ARHGAP31: variants seen among roughly 807,000 people sequenced by gnomAD.
The protein encoded by ARHGAP31 is rho GTPase-activating protein 31.
A neutral mutation model predicts 113.9 loss-of-function variants in ARHGAP31; 34 were observed. The observed-to-expected ratio is 0.30, with a 90% CI of 0.23 to 0.40. The LOEUF is 0.40. ARHGAP31 is among the 10% of genes least tolerant of loss of function. ARHGAP31 has a pLI of 1.00. For missense variants in ARHGAP31, 1,548 were observed against 1,767.1 expected (o/e 0.88, Z 2.22); for synonymous variants, 650 against 684.8 (o/e 0.95, Z 0.79).
chr3:119,414,184 T>A lies in ARHGAP31; in HGVS notation c.2255T>A (p.Leu752Gln). The part of the protein sequence containing the change: ...EQGLHPDLAS[L>Q]APLEIVPFEK... Reference sequence around the variant, plus strand: ...GGCCTGCACCCAGACCTCGCCAGCCTGGCTCCTCTGGAAATAGTTCCTTTT... The same window carrying A: ...GGCCTGCACCCAGACCTCGCCAGCCAGGCTCCTCTGGAAATAGTTCCTTTT... The change falls in exon 12 of 12, where the codon CTG (leucine) becomes CAG (glutamine). Residue 752 changes from leucine (L) to glutamine (Q), a missense_variant. Transcript: ENST00000264245. 6.2e-7 allele frequency: 1 copy of A among 1,614,116 alleles called. No homozygotes were observed. Among genetic ancestry groups the A allele is most frequent in the Non-Finnish European group, 8.5e-7 (1 of 1,180,004 alleles).
chr3:119,409,890 C>A, intron 11 of ARHGAP31, 114 bp downstream of exon 11: 1 of 1,120,318 alleles, frequency 8.9e-7, no homozygotes, highest in Non-Finnish European at 1.3e-6. Context: ...TCAGTTTCTG[C>A]CAAAGGGACT....
intron 7 of ARHGAP31, among the ~76,000 whole-genome samples, chr3:119,392,491 G>A (rs1024856941): frequency 1.3e-5 from 2 of 152,204 alleles, no homozygotes; most frequent in African/African-American, 4.8e-5. Context: ...CTTGAGATCT[G>A]GATGTTCCAC....
chr3:119,329,661 C>T (rs2079873793), intron 1 of ARHGAP31, among the ~76,000 whole-genome samples: 1 of 152,242 alleles, frequency 6.6e-6, no homozygotes, highest in Non-Finnish European at 1.5e-5. Flanking sequence ...GGCCTTCCCA[C>T]CCCCAGCCAG....
Position 119,414,123 on chromosome 3 carries a change from A to G in ARHGAP31, c.2194A>G (p.Thr732Ala), listed in dbSNP as rs1313648676. ...CAATCAGAGCACACAGGGGGCTTCC[A>G]CAGCAGCCAGCAGAGAGAAGCCGGA... Reference protein sequence around the residue: ...PANQSTQGASTAASREKPEPE... With the variant: ...PANQSTQGASAAASREKPEPE... The change falls in exon 12 of 12, where the codon ACA becomes GCA. Residue 732 changes from threonine (T) to alanine (A), a missense_variant. Coordinates refer to ENST00000264245, the MANE Select transcript of ARHGAP31 (RefSeq NM_020754.4). 6.2e-7 allele frequency: 1 copy of G among 1,614,046 alleles called. No individual in the cohort carries two copies. The highest frequency in any genetic ancestry group is 1.3e-5 in the African/African-American group (1 of 74,904).
At chr3:119,407,083 C>A (rs2080669180) in intron 10 of ARHGAP31, among the ~76,000 whole-genome samples, 1 of 152,152 alleles carries the variant, frequency 6.6e-6, no homozygotes, top group South Asian at 2.1e-4. Flanking sequence ...CGATGGCTCA[C>A]ATCTGTAATC....
chr3:119,298,123 A>C (rs1043519098), intron 1 of ARHGAP31, among the ~76,000 whole-genome samples: 1 of 151,886 alleles, frequency 6.6e-6, no homozygotes, highest in Admixed American at 6.6e-5. Flanking sequence ...AGGTAAGAAC[A>C]CTCAAGAATG....
intron 2 of ARHGAP31, 105 bp downstream of exon 2, chr3:119,365,523 G>T: frequency 3.0e-6 from 3 of 991,568 alleles, no homozygotes; most frequent in South Asian, 2.7e-5. Context: ...GGAACTGAGG[G>T]AAGTGTGGCA....
At chr3:119,298,784 C>A in intron 1 of ARHGAP31, 2 of 171,572 alleles carry the variant, frequency 1.2e-5, no homozygotes, top group South Asian at 2.8e-4. Context: ...AGAAGTTCCT[C>A]ATCCAAAACA....
chr3:119,337,174 T>C (rs192597619), intron 1 of ARHGAP31, among the ~76,000 whole-genome samples: 2 of 152,090 alleles, frequency 1.3e-5, no homozygotes, highest in Non-Finnish European at 2.9e-5. Context: ...TGGCAGTGAG[T>C]GTTACAGTTC....
chr3:119,308,182 A>G (rs1412633249), intron 1 of ARHGAP31, among the ~76,000 whole-genome samples: 1 of 152,206 alleles, frequency 6.6e-6, no homozygotes, highest in Non-Finnish European at 1.5e-5. Context: ...TGTTTATTAC[A>G]GACAAGTAAA....
At chr3:119,325,479 G>A (rs937417179) in intron 1 of ARHGAP31, among the ~76,000 whole-genome samples, 1 of 152,164 alleles carries the variant, frequency 6.6e-6, no homozygotes, top group Admixed American at 6.5e-5. Context: ...CACACTGCTG[G>A]GTCGGGAGTC....
chr3:119,325,101 G>A, intron 1 of ARHGAP31: 1 of 368,342 alleles, frequency 2.7e-6, no homozygotes, highest in Non-Finnish European at 5.5e-6. Flanking sequence ...TCAAGTCACA[G>A]AATCACTGCC....
intron 11 of ARHGAP31, among the ~76,000 whole-genome samples, chr3:119,410,238 C>T (rs761616839): frequency 2.0e-4 from 30 of 152,166 alleles, no homozygotes; most frequent in South Asian, 6.2e-4. Context: ...TCTTTCCTTC[C>T]GTGGGCTCTG....
At chr3:119,351,137 T>G (rs1227675851) in intron 1 of ARHGAP31, among the ~76,000 whole-genome samples, 1 of 152,342 alleles carries the variant, frequency 6.6e-6, no homozygotes, top group East Asian at 1.9e-4. Flanking sequence ...CTGTAACTGT[T>G]GGGTACCCCA....
chr3:119,413,837 GT>G lies in ARHGAP31; in HGVS notation c.1927-16del. The G allele has an allele frequency of 6.2e-7, 1 of 1,614,194 alleles. No homozygotes were observed. ...AGAGTACTTAGTTCTAAGACAATCA[GT>G]TTATTGATGTTTTTCAGGATGAAGA... On this transcript the variant is annotated intron_variant, in intron 11 of 11. Transcript: ENST00000264245.
At chr3:119,386,473 T>G (rs2080449093) in intron 6 of ARHGAP31, among the ~76,000 whole-genome samples, 1 of 152,154 alleles carries the variant, frequency 6.6e-6, no homozygotes, top group South Asian at 2.1e-4. Flanking sequence ...CTAATCCCAT[T>G]CATTAGGGCT....
chr3:119,391,664 T>C (rs1019111061), intron 7 of ARHGAP31, among the ~76,000 whole-genome samples: 4 of 129,130 alleles, frequency 3.1e-5, no homozygotes, highest in Non-Finnish European at 4.7e-5. Context: ...TCCTAAATTC[T>C]AAGCAGATTG....
chr3:119,383,111 C>G lies in ARHGAP31; in HGVS notation c.567C>G (p.Cys189Trp), dbSNP rs376381685. 42 of 1,614,070 alleles carry G rather than the reference C, an allele frequency of 2.6e-5. No individual in the cohort carries two copies. The highest frequency in any genetic ancestry group is 3.6e-5 in the Non-Finnish European group (42 of 1,180,036). ...CTAAAGAAATTGAAGCCACTGGTTG[C>G]AATGGAGATGCAGCCTTCCTTGCAG... ...LRSKEIEATGCNGDAAFLAVR... is the reference protein window; with the variant it reads ...LRSKEIEATGWNGDAAFLAVR... Residue 189 changes from cysteine (C) to tryptophan (W), a missense_variant, in exon 6 of 12, where the codon TGC becomes TGG. By Grantham distance (215) the Cys-to-Trp change is radical. Transcript: ENST00000264245.
intron 10 of ARHGAP31, 34 bp from the exon 11 acceptor site, chr3:119,409,462 C>T: frequency 6.2e-7 from 1 of 1,613,068 alleles, no homozygotes; most frequent in Non-Finnish European, 8.5e-7. Flanking sequence ...GAAATGAAGT[C>T]TCCTTTAACT....
Sources: allele counts gnomAD v4.1 joint callset (sites outside exome capture counted in the v4.1 genomes callset), GRCh38; gene constraint gnomAD v4.1.1; transcripts MANE v1.5; gene names NCBI Gene and HGNC (gene_info 2026-07-23, HGNC 2026-07-21).